CDH18: variants seen among roughly 807,000 people sequenced by gnomAD.
The protein encoded by CDH18 is cadherin-18.
A neutral mutation model predicts 67.9 loss-of-function variants in CDH18; 31 were observed. That is an observed-to-expected ratio of 0.46 (90% CI 0.34 to 0.62). The LOEUF is 0.62. Ranked by LOEUF, CDH18 falls within the 20% of genes least tolerant of loss-of-function variation. The pLI is 0.01. For synonymous variants in CDH18, 362 were observed against 347.2 expected (o/e 1.04, Z -0.48); for missense variants, 890 against 975.5 (o/e 0.91, Z 1.17).
chr5:20,496,968 G>A (rs1753944525), intron 1 of CDH18, among the ~76,000 whole-genome samples: 1 of 152,002 alleles, frequency 6.6e-6, no homozygotes, highest in South Asian at 2.1e-4. Context: ...GCTAGTGGAG[G>A]GTGGGGCAAA....
chr5:19,949,107 T>C (rs1483854957), intron 2 of CDH18, among the ~76,000 whole-genome samples: 1 of 152,146 alleles, frequency 6.6e-6, no homozygotes, highest in African/African-American at 2.4e-5. Context: ...TCATTAGCCA[T>C]AGCCATCACA....
At chr5:20,218,403 T>C (rs1350192429) in intron 2 of CDH18, among the ~76,000 whole-genome samples, 1 of 152,062 alleles carries the variant, frequency 6.6e-6, no homozygotes, top group African/African-American at 2.4e-5. Flanking sequence ...TTAAACAATA[T>C]ACTCCTGAAT....
intron 1 of CDH18, among the ~76,000 whole-genome samples, chr5:20,343,179 G>C (rs1740413542): frequency 6.6e-6 from 1 of 152,204 alleles, no homozygotes. Context: ...ATGGATAGCA[G>C]AGGCAAAGTG....
intron 2 of CDH18, among the ~76,000 whole-genome samples, chr5:20,072,939 TA>T (rs1341711272): frequency 2.0e-5 from 3 of 152,018 alleles, no homozygotes; most frequent in African/African-American, 7.2e-5. Context: ...TTGCTTGTTT[TA>T]CAGATGATGA....
intron 2 of CDH18, among the ~76,000 whole-genome samples, chr5:20,117,517 C>T (rs1164349010): frequency 6.6e-6 from 1 of 152,108 alleles, no homozygotes; most frequent in African/African-American, 2.4e-5. Flanking sequence ...AAATTGAGTA[C>T]ACTGATTCTA....
In CDH18 at chr5:19,962,378, C is replaced by CAAAAAAAAA. The variant is rs3065078; in HGVS notation, c.-257+18673_-257+18681dup. The stretch of plus-strand genomic sequence containing the variant: ...AATTTAGAGAATAAACGTCAAAAAG[C>CAAAAAAAAA]AAAAAAAAAAAAAAAAAAGAAAATT... On this transcript the variant is annotated intron_variant, in intron 2 of 12. Transcript: ENST00000382275. 1.8e-3 allele frequency among the ~76,000 whole-genome samples: 91 copies of CAAAAAAAAA among 51,568 alleles called. 2 individuals are homozygous for CAAAAAAAAA. Among genetic ancestry groups the CAAAAAAAAA allele is most frequent in the Admixed American group, 2.4e-3 (8 of 3,378 alleles). 33.8% of individuals were successfully genotyped at this position (51,568 alleles called of 152,430 possible).
chr5:19,792,177 T>G (rs571201471), intron 3 of CDH18, among the ~76,000 whole-genome samples: 1 of 152,052 alleles, frequency 6.6e-6, no homozygotes, highest in South Asian at 2.1e-4. Context: ...GTAAAAAAGA[T>G]CCCCCTCCCC....
At chr5:20,098,054 GAAAAT>G (rs1386063886) in intron 2 of CDH18, among the ~76,000 whole-genome samples, 1 of 151,726 alleles carries the variant, frequency 6.6e-6, no homozygotes, top group African/African-American at 2.4e-5. Flanking sequence ...TTGCCTCAAA[GAAAAT>G]AGAATATATT....
chr5:20,505,331 A>G (rs536156191), intron 1 of CDH18, among the ~76,000 whole-genome samples: 1 of 152,326 alleles, frequency 6.6e-6, no homozygotes, highest in South Asian at 2.1e-4. Context: ...AAAAGTTAGA[A>G]AGGACAGTAT....
chr5:20,185,865 A>ATT lies in CDH18; in HGVS notation c.-518+69577_-518+69578dup, dbSNP rs78069861. Among the ~76,000 whole-genome samples, 81 of 150,916 alleles carry ATT rather than the reference A, an allele frequency of 5.4e-4. 1 individual carries two copies. The highest frequency in any genetic ancestry group is 1.5e-3 in the African/African-American group (62 of 41,086). ...TCCCATGCTAGTACTAAATTTATCT[A>ATT]TTTTTTTTTCCCGTGTGATGCATAG... On this transcript the variant is annotated intron_variant, in intron 2 of 14. Coordinates refer to the CDH18 transcript ENST00000507958.
intron 1 of CDH18, among the ~76,000 whole-genome samples, chr5:20,560,352 T>C (rs1429681246): frequency 6.6e-6 from 1 of 151,918 alleles, no homozygotes; most frequent in East Asian, 1.9e-4. Context: ...TACATGTCGA[T>C]GAAAATTTCA....
At chr5:19,530,376 C>T (rs1030523184) in intron 9 of CDH18, among the ~76,000 whole-genome samples, 4 of 150,802 alleles carry the variant, frequency 2.7e-5, no homozygotes, top group Non-Finnish European at 5.9e-5. Flanking sequence ...AAGAATTATT[C>T]GAAAAAAACA....
At chr5:20,104,195 C>T (rs976100466) in intron 2 of CDH18, among the ~76,000 whole-genome samples, 1 of 151,342 alleles carries the variant, frequency 6.6e-6, no homozygotes, top group Non-Finnish European at 1.5e-5. Context: ...TTTTTTTGGT[C>T]AAGTTCACAA....
At chr5:19,828,653 T>C (rs944597232) in intron 3 of CDH18, among the ~76,000 whole-genome samples, 7 of 152,178 alleles carry the variant, frequency 4.6e-5, no homozygotes, top group Admixed American at 2.0e-4. Flanking sequence ...ATCATCTCGA[T>C]AGATGCAGAA....
intron 2 of CDH18, among the ~76,000 whole-genome samples, chr5:20,009,433 A>C (rs1737209156): frequency 6.6e-6 from 1 of 152,042 alleles, no homozygotes; most frequent in African/African-American, 2.4e-5. Context: ...CTCTCTCTTT[A>C]TGTCTGGATT....
At chr5:20,567,328 G>T (rs374783039) in intron 1 of CDH18, among the ~76,000 whole-genome samples, 1 of 152,116 alleles carries the variant, frequency 6.6e-6, no homozygotes, top group Non-Finnish European at 1.5e-5. Context: ...CACTCTCTGT[G>T]TTGAAGTATA....
intron 2 of CDH18, among the ~76,000 whole-genome samples, chr5:19,850,371 C>T (rs1413437833): frequency 1.3e-5 from 2 of 151,824 alleles, no homozygotes; most frequent in Non-Finnish European, 2.9e-5. Flanking sequence ...TAAATGTATG[C>T]ATGATTACAA....
At chr5:19,880,834 C>G (rs1373527027) in intron 2 of CDH18, among the ~76,000 whole-genome samples, 2 of 152,088 alleles carry the variant, frequency 1.3e-5, no homozygotes, top group African/African-American at 2.4e-5. Flanking sequence ...CAGAAACTTT[C>G]CAAATAAAGA....
intron 2 of CDH18, among the ~76,000 whole-genome samples, chr5:20,018,519 T>C (rs569329097): frequency 2.0e-5 from 3 of 152,322 alleles, no homozygotes; most frequent in Non-Finnish European, 2.9e-5. Context: ...ACATAAAGTA[T>C]GCCATTTTGT....
Sources: allele counts gnomAD v4.1 joint callset (sites outside exome capture counted in the v4.1 genomes callset), GRCh38; gene constraint gnomAD v4.1.1; transcripts MANE v1.5; gene names NCBI Gene and HGNC (gene_info 2026-07-23, HGNC 2026-07-21).